The following PCDHGA4 variants were observed in gnomAD, a reference collection of about 807,000 sequenced individuals.
The protein encoded by PCDHGA4 is protocadherin gamma-A4.
In PCDHGA4, 38 loss-of-function variants were observed where a neutral mutation model predicts 54.6. The ratio of observed to expected loss-of-function variants is 0.70; its 90% CI spans 0.54 to 0.91. PCDHGA4 has a LOEUF of 0.91. PCDHGA4 is among the 40% of genes least tolerant of loss of function. PCDHGA4 has a pLI of 0.00. For synonymous variants in PCDHGA4, 511 were observed against 512.9 expected, an observed-to-expected ratio of 1.00 and a Z score of 0.05; for missense variants, 1,298 against 1,220.9, an observed-to-expected ratio of 1.06 and a Z score of -0.94.
intron 1 of PCDHGA4, chr5:141,404,757 C>T (rs759444247): frequency 3.1e-6 from 5 of 1,613,918 alleles, no homozygotes; most frequent in Non-Finnish European, 4.2e-6. Flanking sequence ...GGCCAGAATG[C>T]TTGGCTCTCC....
Position 141,477,283 on chromosome 5 carries a change from C to T in PCDHGA4, c.2515-17524C>T, listed in dbSNP as rs766672047. The T allele has an allele frequency of 9.3e-6, 15 of 1,614,076 alleles. No homozygotes were observed. The highest frequency in any genetic ancestry group is 2.7e-5 in the African/African-American group (2 of 74,924). On this transcript the variant is annotated intron_variant, in intron 1 of 3. Coordinates refer to ENST00000571252, the MANE Select transcript of PCDHGA4 (RefSeq NM_018917.4). The surrounding 1 kb of genome is among the most constrained non-coding windows in gnomAD (Gnocchi z 4.9). ...CTGGCGAGAACGGGCTGGTGACCTG[C>T]GAAGTTCCACCGGGTCTCCCTTTCA... is the stretch of plus-strand genomic sequence containing the variant.
In PCDHGA4 at chr5:141,472,879, G is replaced by A. The variant is rs541980402; in HGVS notation, c.2515-21928G>A. Among the ~76,000 whole-genome samples the A allele has an allele frequency of 3.3e-5, 5 of 151,694 alleles. No homozygotes were observed. The South Asian group carries it at 6.2e-4, about 19-fold the overall frequency. ...CACATGCCTGTATTCCCAGCTACTC[G>A]GGAGGCTGAGGCAGGAGAATTGCTT... On this transcript the variant is annotated intron_variant, in intron 1 of 3. Coordinates refer to ENST00000571252, the MANE Select transcript of PCDHGA4 (RefSeq NM_018917.4).
intron 1 of PCDHGA4, chr5:141,409,633 TG>T: frequency 6.2e-7 from 1 of 1,613,852 alleles, no homozygotes; most frequent in Non-Finnish European, 8.5e-7. Context: ...TGAGCGCCTC[TG>T]ACCCGGATTT....
At position 141,486,392 on chromosome 5, in the gene PCDHGA4, C is replaced by T; in HGVS notation, c.2515-8415C>T. ...GTCTGCCTTCAGGAACCAGTTCTCC[C>T]TGGTGACTGCTGGACCCTTGGATCG... On this transcript the variant is annotated intron_variant, in intron 1 of 3. Coordinates refer to ENST00000571252, the MANE Select transcript of PCDHGA4 (RefSeq NM_018917.4). The surrounding 1 kb of genome is among the most constrained non-coding windows in gnomAD (Gnocchi z 5.0). 1 of 1,614,170 alleles carries T rather than the reference C, an allele frequency of 6.2e-7. No individual in the cohort carries two copies. Among genetic ancestry groups the T allele is most frequent in the Non-Finnish European group, 8.5e-7 (1 of 1,180,014 alleles).
rs766164142 is a variant in PCDHGA4, at chr5:141,477,910, G to A, written c.2515-16897G>A. On this transcript the variant is annotated intron_variant, in intron 1 of 3. Transcript: ENST00000571252. The surrounding 1 kb of genome is among the most constrained non-coding windows in gnomAD (Gnocchi z 4.9). ...TGTCACGGGTGGTAGGCTGGGACGC[G>A]GATGCAGGGCACAATGCCTGGCTCT... 6.2e-7 allele frequency: 1 copy of A among 1,614,166 alleles called. No individual in the cohort carries two copies. Among genetic ancestry groups the A allele is most frequent in the Admixed American group, 1.7e-5 (1 of 60,020 alleles).
chr5:141,403,512 A>G (rs751429629), intron 1 of PCDHGA4: 2 of 1,614,020 alleles, frequency 1.2e-6, no homozygotes, highest in Non-Finnish European at 1.7e-6. Context: ...ACTGGAGACA[A>G]TGGAGCCATA....
Position 141,477,689 on chromosome 5 carries a change from C to T in PCDHGA4, c.2515-17118C>T. The T allele has an allele frequency of 6.2e-7, 1 of 1,614,156 alleles. No individual in the cohort carries two copies. The highest frequency in any genetic ancestry group is 8.5e-7 in the Non-Finnish European group (1 of 1,180,024). ...TGGCATAGTGTCATCCTTAGTGCCC[C>T]TAGACTATGAGGATCGGCGGGAATT... On this transcript the variant is annotated intron_variant, in intron 1 of 3. Transcript: ENST00000571252. This position sits in a 1 kb window ranked among gnomAD's most constrained non-coding sequence, Gnocchi z 4.9.
chr5:141,403,616 C>T (rs2094434764), intron 1 of PCDHGA4: 1 of 1,613,774 alleles, frequency 6.2e-7, no homozygotes, highest in South Asian at 1.1e-5. Flanking sequence ...CGAGCCGCGT[C>T]GCTCCAGCAC....
rs1347087103 is a variant in PCDHGA4 at position 141,409,851 on chromosome 5, T to C, written c.2514+52230T>C. 4 of 1,612,112 alleles carry C rather than the reference T, an allele frequency of 2.5e-6. No homozygotes were observed. In the Admixed American group the frequency reaches 6.7e-5, roughly 27 times the overall value. On this transcript the variant is annotated intron_variant, in intron 1 of 3. Transcript: ENST00000571252. ...CTCAGCGCCAACGTGAGCCTGCGCG[T>C]GTTGGTGGGAGACCGCAATGACAAC...
intron 1 of PCDHGA4, chr5:141,492,073 G>C (rs2099736846): frequency 6.2e-6 from 3 of 480,898 alleles, no homozygotes; most frequent in Non-Finnish European, 1.1e-5. Flanking sequence ...CCTAGGCGCC[G>C]GCTCCGGCAC....
intron 1 of PCDHGA4, among the ~76,000 whole-genome samples, chr5:141,482,530 C>CAAAAAAAAAAAAAA (rs3074545): frequency 1.2e-4 from 9 of 76,558 alleles, no homozygotes; most frequent in African/African-American, 3.8e-4. Flanking sequence ...GACAGACATG[C>CAAAAAAAAAAAAAA]AAAAAAAAAA....
At position 141,476,675 on chromosome 5, in the gene PCDHGA4, C is replaced by T. The variant is rs2099395961; in HGVS notation, c.2515-18132C>T. On this transcript the variant is annotated intron_variant, in intron 1 of 3. Transcript: ENST00000571252. The surrounding 1 kb of genome is among the most constrained non-coding windows in gnomAD (Gnocchi z 7.6). ...ATACTTTGCGCTTCGCGTGCAGACG[C>T]GGGAGGACAGCACCAAGTACGCGGA... 1.2e-6 allele frequency: 2 copies of T among 1,614,124 alleles called. No homozygotes were observed. The highest frequency in any genetic ancestry group is 8.5e-7 in the Non-Finnish European group (1 of 1,180,062).
intron 1 of PCDHGA4, chr5:141,383,450 G>A: frequency 6.2e-7 from 1 of 1,613,960 alleles, no homozygotes; most frequent in Non-Finnish European, 8.5e-7. Context: ...GCTGTGCAAA[G>A]TGGAGACGAT....
intron 1 of PCDHGA4, among the ~76,000 whole-genome samples, chr5:141,402,580 TA>T (rs2094282125): frequency 6.6e-6 from 1 of 152,226 alleles, no homozygotes; most frequent in Admixed American, 6.5e-5. Context: ...CTCAGATATC[TA>T]AAAAATAGAT....
At chr5:141,456,342 G>A (rs1439003615) in intron 1 of PCDHGA4, among the ~76,000 whole-genome samples, 1 of 152,114 alleles carries the variant, frequency 6.6e-6, no homozygotes, top group African/African-American at 2.4e-5. Context: ...AAGGGTCCTC[G>A]GAAGAATGGC....
intron 1 of PCDHGA4, chr5:141,409,830 G>C: frequency 6.2e-7 from 1 of 1,611,250 alleles, no homozygotes; most frequent in Non-Finnish European, 8.5e-7. Context: ...CCCACGCTCA[G>C]CGCCAACGTG....
Position 141,476,437 on chromosome 5 carries a change from T to C in PCDHGA4, c.2515-18370T>C, listed in dbSNP as rs1260141259. The C allele has an allele frequency of 6.2e-7, 1 of 1,614,004 alleles. No homozygotes were observed. Among genetic ancestry groups the C allele is most frequent in the East Asian group, 2.2e-5 (1 of 44,836 alleles). ...GGACACTGCCCTCTTGCACTGTAAC[T>C]CTGGAGTTGGTAGTGGAGAACCCGC... On this transcript the variant is annotated intron_variant, in intron 1 of 3. Transcript: ENST00000571252. This position sits in a 1 kb window ranked among gnomAD's most constrained non-coding sequence, Gnocchi z 7.6.
At chr5:141,430,977 A>C (rs761722055) in intron 1 of PCDHGA4, 1 of 1,613,290 alleles carries the variant, frequency 6.2e-7, no homozygotes, top group South Asian at 1.1e-5. Context: ...GGTAGGACGC[A>C]GCTTTTCGCC....
chr5:141,383,267 T>G (rs1428207205), intron 1 of PCDHGA4: 1 of 1,613,726 alleles, frequency 6.2e-7, no homozygotes, highest in East Asian at 2.2e-5. Context: ...GACGTGGAAA[T>G]AATAGATATT....
Sources: gnomAD v4.1 joint callset for allele counts (sites outside exome capture counted in the v4.1 genomes callset) on GRCh38, gnomAD v4.1.1 for gene constraint, Gnocchi (gnomAD v3.1) non-coding constraint, MANE v1.5 for transcripts, NCBI Gene and HGNC (gene_info 2026-07-23, HGNC 2026-07-21) for gene names.